LPP: variants seen among roughly 807,000 people sequenced by gnomAD.
The protein encoded by LPP is lipoma-preferred partner.
LPP carries 38 observed loss-of-function variants against 60.4 expected under a neutral mutation model. The observed-to-expected ratio is 0.63, with a 90% CI of 0.49 to 0.83. The LOEUF is 0.83. LPP is among the 40% of genes least tolerant of loss of function. LPP has a pLI of 0.00. For synonymous variants in LPP, 328 were observed against 290.8 expected, an observed-to-expected ratio of 1.13 and a Z score of -1.30; for missense variants, 902 against 783.6, an observed-to-expected ratio of 1.15 and a Z score of -1.80.
At chr3:188,358,149 G>A (rs1411010431) in intron 3 of LPP, among the ~76,000 whole-genome samples, 3 of 152,160 alleles carry the variant, frequency 2.0e-5, no homozygotes, top group Non-Finnish European at 4.4e-5. Flanking sequence ...CTCTGAGGAA[G>A]GTACTGTTAT....
intron 2 of LPP, among the ~76,000 whole-genome samples, chr3:188,273,432 A>AGTGAACCATAAACC (rs1450880503): frequency 6.6e-6 from 1 of 152,180 alleles, no homozygotes; most frequent in East Asian, 1.9e-4. Flanking sequence ...GACCTGTAGA[A>AGTGAACCATAAACC]GTGAACCATA....
At chr3:188,711,088 A>G (rs981090731) in intron 8 of LPP, 1 of 152,322 alleles carries the variant, frequency 6.6e-6, no homozygotes, top group African/African-American at 2.4e-5. Flanking sequence ...CTTATAGTTT[A>G]TTTAAGACAT....
intron 4 of LPP, among the ~76,000 whole-genome samples, chr3:188,462,586 GCA>G (rs1157574720): frequency 5.0e-3 from 71 of 14,256 alleles, no homozygotes; most frequent in South Asian, 0.015. Context: ...ATATATATAT[GCA>G]TGTGTGTGTG....
At chr3:188,199,980 C>G (rs344941) in intron 1 of LPP, among the ~76,000 whole-genome samples, 96,033 of 151,956 alleles carry the variant, frequency 0.63, 31,710 homozygotes, top group East Asian at 0.84. Flanking sequence ...GGGATTACAG[C>G]CTTGAGCCAC....
intron 4 of LPP, among the ~76,000 whole-genome samples, chr3:188,477,431 A>G (rs1303431453): frequency 6.6e-6 from 1 of 152,216 alleles, no homozygotes; most frequent in Non-Finnish European, 1.5e-5. Context: ...CGTCTCTAAT[A>G]GAAATAGCAT....
At chr3:188,723,706 TAA>T (rs147125668) in intron 8 of LPP, among the ~76,000 whole-genome samples, 1 of 145,560 alleles carries the variant, frequency 6.9e-6, no homozygotes. Context: ...GAATGTAGCT[TAA>T]AAAAAAAAAG....
At chr3:188,310,167 CTTTA>C (rs1321375301) in intron 2 of LPP, among the ~76,000 whole-genome samples, 5 of 148,198 alleles carry the variant, frequency 3.4e-5, no homozygotes, top group Non-Finnish European at 6.0e-5. Flanking sequence ...GAAAGGGGTT[CTTTA>C]TTTGTTTCTA....
intron 7 of LPP, among the ~76,000 whole-genome samples, chr3:188,677,803 C>T (rs1443593164): frequency 6.6e-6 from 1 of 152,086 alleles, no homozygotes; most frequent in African/African-American, 2.4e-5. Context: ...CCATTGTCAT[C>T]TAAATGATGG....
At chr3:188,622,156 A>G (rs980872996) in intron 7 of LPP, among the ~76,000 whole-genome samples, 1 of 152,142 alleles carries the variant, frequency 6.6e-6, no homozygotes, top group Non-Finnish European at 1.5e-5. Context: ...AACCAGTAAA[A>G]GGCAGATAAT....
chr3:188,157,463 C>G (rs564169488), intron 1 of LPP, among the ~76,000 whole-genome samples: 1 of 151,970 alleles, frequency 6.6e-6, no homozygotes, highest in South Asian at 2.1e-4. Flanking sequence ...ATTTTGTACA[C>G]GGGTAGAGTG....
At chr3:188,544,381 A>C (rs561401140) in intron 6 of LPP, among the ~76,000 whole-genome samples, 3 of 152,248 alleles carry the variant, frequency 2.0e-5, no homozygotes, top group Non-Finnish European at 4.4e-5. Flanking sequence ...TATCATTATC[A>C]TGTATATTCA....
intron 6 of LPP, among the ~76,000 whole-genome samples, chr3:188,586,681 G>A (rs971557955): frequency 9.2e-5 from 14 of 151,866 alleles, no homozygotes; most frequent in Non-Finnish European, 1.5e-4. Flanking sequence ...AGTTCCCTGG[G>A]AGTTTCTCCC....
intron 7 of LPP, among the ~76,000 whole-genome samples, chr3:188,652,907 C>T (rs1195090657): frequency 1.3e-5 from 2 of 152,162 alleles, no homozygotes; most frequent in Non-Finnish European, 2.9e-5. Context: ...TGTGCTCAGT[C>T]TTCTATCCAG....
intron 3 of LPP, among the ~76,000 whole-genome samples, chr3:188,351,888 C>T (rs1334164635): frequency 6.6e-6 from 1 of 152,178 alleles, no homozygotes; most frequent in Non-Finnish European, 1.5e-5. Context: ...AGACTGAGCT[C>T]TTCTACTCTC....
intron 4 of LPP, among the ~76,000 whole-genome samples, chr3:188,454,561 ATTAG>A (rs535147004): frequency 4.1e-4 from 62 of 152,310 alleles, no homozygotes; most frequent in Non-Finnish European, 7.8e-4. Flanking sequence ...TGAGCTATGT[ATTAG>A]TTCATTTTCA....
At chr3:188,647,846 T>C (rs759121420) in intron 7 of LPP, among the ~76,000 whole-genome samples, 1 of 152,192 alleles carries the variant, frequency 6.6e-6, no homozygotes, top group Non-Finnish European at 1.5e-5. Flanking sequence ...AGTGTTCCTC[T>C]TTCATAATTA....
At chr3:188,274,765 G>A (rs1739062745) in intron 2 of LPP, among the ~76,000 whole-genome samples, 1 of 152,196 alleles carries the variant, frequency 6.6e-6, no homozygotes. Context: ...CAGTCTTGCA[G>A]GCCGCAAGAA....
At chr3:188,660,874 A>G (rs985803283) in intron 7 of LPP, among the ~76,000 whole-genome samples, 8 of 152,208 alleles carry the variant, frequency 5.3e-5, no homozygotes, top group Non-Finnish European at 5.9e-5. Flanking sequence ...CATAGTTTAC[A>G]TTAGCATTGA....
intron 2 of LPP, among the ~76,000 whole-genome samples, chr3:188,316,759 CA>C (rs1560238617): frequency 6.6e-6 from 1 of 152,134 alleles, no homozygotes; most frequent in Non-Finnish European, 1.5e-5. Flanking sequence ...AGAATCAAAA[CA>C]AAAATGCAAA....
Sources: gnomAD v4.1 joint callset for allele counts (sites outside exome capture counted in the v4.1 genomes callset) on GRCh38, gnomAD v4.1.1 for gene constraint, MANE v1.5 for transcripts, NCBI Gene and HGNC (gene_info 2026-07-23, HGNC 2026-07-21) for gene names.